Variants in GHITM observed in about 807,000 individuals in gnomAD.
The protein encoded by GHITM is growth hormone-inducible transmembrane protein.
A neutral mutation model predicts 38.7 loss-of-function variants in GHITM; 24 were observed. The ratio of observed to expected loss-of-function variants is 0.62; its 90% CI spans 0.45 to 0.87. The LOEUF is 0.87. GHITM is among the 40% of genes least tolerant of loss of function. The probability of loss-of-function intolerance (pLI) is 0.00; values close to 1 mark genes in which losing one functional copy is unlikely to be tolerated. For synonymous variants in GHITM, 154 were observed against 147.8 expected (o/e 1.04, Z -0.30); for missense variants, 420 against 429.8 (o/e 0.98, Z 0.20).
Position 84,148,748 on chromosome 10 carries a change from G to A in GHITM, c.502G>A (p.Ala168Thr). The change falls in exon 6 of 9, where the codon GCA becomes ACA. Residue 168 changes from alanine to threonine, a missense_variant. Transcript: ENST00000372134. Reference protein sequence around the residue: ...GSWVTIGVTFAAMVGAGMLVR... With the variant: ...GSWVTIGVTFTAMVGAGMLVR... The stretch of plus-strand genomic sequence containing the variant: ...CTTTCAGACAATTGGTGTGACCTTT[G>A]CAGCCATGGTTGGAGCTGGAATGCT... The A allele has an allele frequency of 6.2e-7, 1 of 1,611,318 alleles. No homozygotes were observed. Among genetic ancestry groups the A allele is most frequent in the Non-Finnish European group, 8.5e-7 (1 of 1,177,468 alleles).
intron 6 of GHITM, among the ~76,000 whole-genome samples, chr10:84,149,117 A>G (rs1378085121): frequency 2.0e-5 from 3 of 152,212 alleles, no homozygotes; most frequent in Admixed American, 1.3e-4. Flanking sequence ...GGAGGGTTTT[A>G]TATCTAGTAC....
intron 4 of GHITM, among the ~76,000 whole-genome samples, chr10:84,144,455 A>G (rs2132737325): frequency 6.6e-6 from 1 of 152,274 alleles, no homozygotes; most frequent in Admixed American, 6.5e-5. Flanking sequence ...TCCTGGGTTC[A>G]GGCAATTCTC....
intron 1 of GHITM, chr10:84,140,060 G>A (rs1841491046): frequency 6.8e-6 from 1 of 147,142 alleles, no homozygotes; most frequent in African/African-American, 2.5e-5. Flanking sequence ...CCATTTTATA[G>A]CAACGACATC....
At position 84,139,519 on chromosome 10, in the gene GHITM, A is replaced by C. The variant is rs1486796801; in HGVS notation, c.-114A>C. 1 of 152,230 alleles carries C rather than the reference A, an allele frequency of 6.6e-6. No homozygotes were observed. Among genetic ancestry groups the C allele is most frequent in the East Asian group, 1.9e-4 (1 of 5,186 alleles). The allele number at this position is 152,230 out of a possible 1,614,324, so 9.4% of individuals were successfully genotyped here. On this transcript the variant is annotated 5_prime_UTR_variant, in exon 1 of 9. Transcript: ENST00000372134. ...GATGTTGCGTCATGCAGTGCGCCGG[A>C]GGAACTGTGCTCTTTGAGGCCGACG...
At position 84,144,036 on chromosome 10, in the gene GHITM, G is replaced by A. The variant is rs370349475; in HGVS notation, c.271G>A (p.Val91Ile). ...GRWFVAGGAAVGLGALCYYGL... is the reference protein window; with the variant it reads ...GRWFVAGGAAIGLGALCYYGL... Reference sequence around the variant, plus strand: ...ATGGTTTGTTGCTGGAGGGGCTGCTGTTGGTCTTGGAGCATTGTGCTACTA... The same window carrying A: ...ATGGTTTGTTGCTGGAGGGGCTGCTATTGGTCTTGGAGCATTGTGCTACTA... Residue 91 changes from valine to isoleucine, a missense_variant, in exon 4 of 9, where the codon GTT becomes ATT. Physicochemically the swap from Val to Ile is conservative, Grantham distance 29. Coordinates refer to ENST00000372134, the MANE Select transcript of GHITM (RefSeq NM_014394.3). 8 of 1,614,136 alleles carry A rather than the reference G, an allele frequency of 5.0e-6. No individual in the cohort carries two copies. The East Asian group carries it at 6.7e-5, about 13-fold the overall frequency.
rs1238305661 is a variant in GHITM, at chr10:84,153,395, T to C, written c.*1047T>C. On this transcript the variant is annotated 3_prime_UTR_variant, in exon 9 of 9. Transcript: ENST00000372134. ...AAAGCAAAACAGAACTAGTTCTGTC[T>C]TAATGAAATATATCAACCCAAAAGT... 6.6e-6 allele frequency: 1 copy of C among 152,210 alleles called. No individual in the cohort carries two copies. The highest frequency in any genetic ancestry group is 1.5e-5 in the Non-Finnish European group (1 of 68,018). 9.4% of individuals were successfully genotyped at this position (152,210 alleles called of 1,614,324 possible). A position where few individuals can be genotyped will look rare whatever the true frequency, so the allele number is the denominator to read the frequency against.
Position 84,150,866 on chromosome 10 carries a change from T to C in GHITM, c.939T>C (p.Tyr313=). The C allele has an allele frequency of 6.2e-7, 1 of 1,602,918 alleles. No individual in the cohort carries two copies. Among genetic ancestry groups the C allele is most frequent in the Non-Finnish European group, 8.5e-7 (1 of 1,170,770 alleles). The part of the protein sequence containing the change: ...EVSPMYGVQK[Y]DPINSMLSIY... ...CACCAATGTATGGAGTTCAAAAATA[T>C]GATCCCATTAACTCGTAAGTAATGC... The change falls in exon 8 of 9, where the codon TAT becomes TAC. Residue 313 remains tyrosine (Y), a synonymous_variant. Coordinates refer to ENST00000372134, the MANE Select transcript of GHITM (RefSeq NM_014394.3).
intron 4 of GHITM, 42 bp downstream of exon 4, chr10:84,144,148 A>G (rs930787077): frequency 7.9e-7 from 1 of 1,267,616 alleles, no homozygotes; most frequent in African/African-American, 1.5e-5. Flanking sequence ...AAACAACTCC[A>G]GCCTTAAAAC....
At chr10:84,142,900 T>C in intron 3 of GHITM, 146 bp downstream of exon 3, 1 of 503,992 alleles carries the variant, frequency 2.0e-6, no homozygotes, top group Non-Finnish European at 3.6e-6. Context: ...CCAGAAAAGA[T>C]TGGTACTTTG....
At chr10:84,147,372 C>T (rs1047256383) in intron 5 of GHITM, among the ~76,000 whole-genome samples, 1 of 152,200 alleles carries the variant, frequency 6.6e-6, no homozygotes, top group Non-Finnish European at 1.5e-5. Flanking sequence ...ACTGACATTA[C>T]AGGTCCATAC....
rs1388457808 is a variant in GHITM, at chr10:84,150,790, G to A, written c.863G>A (p.Ser288Asn). The A allele has an allele frequency of 1.2e-6, 2 of 1,612,462 alleles. No homozygotes were observed. The highest frequency in any genetic ancestry group is 3.3e-5 in the Admixed American group (2 of 59,998). ...ATGTACGGTGGATTAGTTCTTTTCA[G>A]CATGTTCCTTCTGTATGATACCCAG... ...VAMYGGLVLF[S>N]MFLLYDTQKV... Residue 288 changes from serine to asparagine, a missense_variant, in exon 8 of 9, where the codon AGC becomes AAC. Coordinates refer to ENST00000372134, the MANE Select transcript of GHITM (RefSeq NM_014394.3).
At position 84,144,113 on chromosome 10, in the gene GHITM, A is replaced by T. The variant is rs769173296; in HGVS notation, c.341+7A>T. 22 of 1,571,756 alleles carry T rather than the reference A, an allele frequency of 1.4e-5. No individual in the cohort carries two copies. Among genetic ancestry groups the T allele is most frequent in the Non-Finnish European group, 1.9e-5 (22 of 1,141,570 alleles). Reference sequence around the variant, plus strand: ...GAGCTATTGAAAAGGCTGTGTAAGTAAATTGTTTTAAGTAAACTGTTCCTA... The same window carrying T: ...GAGCTATTGAAAAGGCTGTGTAAGTTAATTGTTTTAAGTAAACTGTTCCTA... On this transcript the variant is annotated splice_region_variant and intron_variant, in intron 4 of 8. Coordinates refer to ENST00000372134, the MANE Select transcript of GHITM (RefSeq NM_014394.3).
chr10:84,147,480 A>C (rs1841567326), intron 5 of GHITM, among the ~76,000 whole-genome samples: 1 of 152,200 alleles, frequency 6.6e-6, no homozygotes, highest in African/African-American at 2.4e-5. Flanking sequence ...TAGAGGTTGA[A>C]TATTTTGATG....
In GHITM at chr10:84,152,484, G is replaced by A. The variant is rs566797129; in HGVS notation, c.*136G>A. The A allele has an allele frequency of 3.6e-4, 173 of 485,196 alleles. No individual in the cohort carries two copies. The highest frequency in any genetic ancestry group is 5.8e-4 in the Non-Finnish European group (160 of 273,976). The allele number at this position is 485,196 out of a possible 1,614,324, so 30.1% of individuals were successfully genotyped here. A position where few individuals can be genotyped will look rare whatever the true frequency, so the allele number is the denominator to read the frequency against. The stretch of plus-strand genomic sequence containing the variant: ...ACATGTCATCATATTTAAATGTTCC[G>A]GTAATGTGATGCCTCAGGTCTGCCT... On this transcript the variant is annotated 3_prime_UTR_variant, in exon 9 of 9. Transcript: ENST00000372134.
At chr10:84,142,582 G>T in intron 2 of GHITM, 73 bp from the exon 3 acceptor site, 1 of 905,746 alleles carries the variant, frequency 1.1e-6, no homozygotes, top group Non-Finnish European at 1.7e-6. Context: ...AGTGTAAAGG[G>T]ATCTTGCATT....
At position 84,150,040 on chromosome 10, in the gene GHITM, T is replaced by C. The variant is rs1841595919; in HGVS notation, c.593-15T>C. 1 of 1,490,410 alleles carries C rather than the reference T, an allele frequency of 6.7e-7. No individual in the cohort carries two copies. The highest frequency in any genetic ancestry group is 9.0e-7 in the Non-Finnish European group (1 of 1,112,040). 92.3% of individuals were successfully genotyped at this position (1,490,410 alleles called of 1,614,324 possible). A position where few individuals can be genotyped will look rare whatever the true frequency, so the allele number is the denominator to read the frequency against. ...TATTTAGTAAATACTTAATGAGCACTTCCTCTTTCTCCAGGTGTGATGGGT... is the reference window on the plus strand; with the variant it reads ...TATTTAGTAAATACTTAATGAGCACCTCCTCTTTCTCCAGGTGTGATGGGT... On this transcript the variant is annotated splice_polypyrimidine_tract_variant and intron_variant, in intron 6 of 8. Coordinates refer to ENST00000372134, the MANE Select transcript of GHITM (RefSeq NM_014394.3).
chr10:84,146,989 A>T (rs1841562766), intron 5 of GHITM, among the ~76,000 whole-genome samples: 1 of 152,182 alleles, frequency 6.6e-6, no homozygotes, highest in South Asian at 2.1e-4. Flanking sequence ...AAAGCTTTTG[A>T]GATGAGACAG....
In GHITM at chr10:84,144,872, C is replaced by T; in HGVS notation, c.342-3C>T. On this transcript the variant is annotated splice_polypyrimidine_tract_variant and splice_region_variant and intron_variant, in intron 4 of 8. Transcript: ENST00000372134. Reference sequence around the variant, plus strand: ...TAGATTAATCATGTCATGTTTCTTACAGAATTTGGCCTCAGTATGTCAAGG... The same window carrying T: ...TAGATTAATCATGTCATGTTTCTTATAGAATTTGGCCTCAGTATGTCAAGG... 1 of 1,560,930 alleles carries T rather than the reference C, an allele frequency of 6.4e-7. No individual in the cohort carries two copies. Among genetic ancestry groups the T allele is most frequent in the Non-Finnish European group, 8.7e-7 (1 of 1,146,256 alleles).
chr10:84,145,969 G>A (rs1286778715), intron 5 of GHITM, among the ~76,000 whole-genome samples: 1 of 152,170 alleles, frequency 6.6e-6, no homozygotes, highest in African/African-American at 2.4e-5. Flanking sequence ...GCTGAGGCAG[G>A]AAGATTGCTT....
Sources: allele counts gnomAD v4.1 joint callset (sites outside exome capture counted in the v4.1 genomes callset), GRCh38; gene constraint gnomAD v4.1.1; transcripts MANE v1.5; gene names NCBI Gene and HGNC (gene_info 2026-07-23, HGNC 2026-07-21).